Variants in CTNNA2 observed in about 807,000 individuals in gnomAD.
The protein encoded by CTNNA2 is catenin alpha-2.
Under a neutral mutation model 101.0 loss-of-function variants are expected in CTNNA2, and 42 were observed. The observed-to-expected ratio is 0.42, with a 90% confidence interval of 0.32 to 0.54. The LOEUF (loss-of-function observed/expected upper bound fraction) is 0.54, where lower values mean the gene tolerates loss of function less well. Among genes scored for constraint, CTNNA2 ranks in the 20% least tolerant of loss-of-function variants. CTNNA2 has a pLI of 0.14. For missense variants in CTNNA2, 871 were observed against 1,223.1 expected, an observed-to-expected ratio of 0.71 and a Z score of 4.29; for synonymous variants, 450 against 456.4, an observed-to-expected ratio of 0.99 and a Z score of 0.18.
intron 4 of CTNNA2, among the ~76,000 whole-genome samples, chr2:79,488,368 T>C (rs1048863069): frequency 1.3e-5 from 2 of 150,080 alleles, no homozygotes; most frequent in African/African-American, 4.9e-5. Context: ...ATGTGTGGCC[T>C]TCTGATGAGT....
At chr2:80,627,986 C>A (rs767686374) in intron 18 of CTNNA2, among the ~76,000 whole-genome samples, 3 of 152,030 alleles carry the variant, frequency 2.0e-5, no homozygotes, top group Non-Finnish European at 4.4e-5. Flanking sequence ...AACAGAGAGC[C>A]AAGTCATGAG....
intron 12 of CTNNA2, among the ~76,000 whole-genome samples, chr2:80,573,799 C>T (rs1694808309): frequency 3.3e-5 from 5 of 152,110 alleles, no homozygotes; most frequent in Admixed American, 3.3e-4. Flanking sequence ...TAAAACGTGG[C>T]CAAGGATTTA....
rs1423701457 is a variant in CTNNA2 at position 79,838,415 on chromosome 2, G to A, written c.299-19598G>A. Among the ~76,000 whole-genome samples, 5 of 152,024 alleles carry A rather than the reference G, an allele frequency of 3.3e-5. No individual in the cohort carries two copies. In the South Asian group the frequency reaches 6.2e-4, roughly 19 times the overall value. On this transcript the variant is annotated intron_variant, in intron 3 of 18. Coordinates refer to ENST00000402739, the MANE Select transcript of CTNNA2 (RefSeq NM_001282597.3). ...AAGAAGAAAGGAATGTTGTGTTTTC[G>A]AAAAATACAGAAGGGGTTTCCATGC...
intron 7 of CTNNA2, among the ~76,000 whole-genome samples, chr2:80,309,268 C>T (rs920206552): frequency 1.3e-5 from 2 of 152,172 alleles, no homozygotes; most frequent in African/African-American, 2.4e-5. Context: ...TCCATCTTTG[C>T]TTACCTTCAT....
intron 7 of CTNNA2, among the ~76,000 whole-genome samples, chr2:80,383,069 A>G (rs1676661450): frequency 6.6e-6 from 1 of 152,126 alleles, no homozygotes; most frequent in South Asian, 2.1e-4. Flanking sequence ...GTATGTGGTT[A>G]ATTAACCCCA....
intron 2 of CTNNA2, among the ~76,000 whole-genome samples, chr2:79,685,914 A>G (rs1055980602): frequency 6.6e-6 from 1 of 152,110 alleles, no homozygotes; most frequent in Non-Finnish European, 1.5e-5. Flanking sequence ...AAATACAATG[A>G]AAAGGTATGT....
intron 9 of CTNNA2, among the ~76,000 whole-genome samples, chr2:80,515,331 G>A (rs1291643190): frequency 6.6e-6 from 1 of 151,538 alleles, no homozygotes; most frequent in Admixed American, 6.6e-5. Context: ...CTTCCCATAT[G>A]AAAAAAAGAT....
chr2:80,535,327 A>T (rs1690911304), intron 9 of CTNNA2, among the ~76,000 whole-genome samples: 1 of 152,210 alleles, frequency 6.6e-6, no homozygotes, highest in Admixed American at 6.5e-5. Flanking sequence ...ATGAGTGATC[A>T]ATGATTGGAT....
intron 2 of CTNNA2, among the ~76,000 whole-genome samples, chr2:79,241,433 T>G (rs558078672): frequency 9.9e-5 from 15 of 152,212 alleles, no homozygotes; most frequent in South Asian, 8.3e-4. Flanking sequence ...CAAATTGGAG[T>G]GAATTCCTGA....
intron 7 of CTNNA2, among the ~76,000 whole-genome samples, chr2:80,328,102 C>T (rs1224681454): frequency 6.6e-6 from 1 of 152,138 alleles, no homozygotes; most frequent in Non-Finnish European, 1.5e-5. Flanking sequence ...GAGGAGAGCT[C>T]TCTGGATTCT....
intron 3 of CTNNA2, among the ~76,000 whole-genome samples, chr2:79,358,936 C>G (rs1454582277): frequency 2.6e-5 from 4 of 152,106 alleles, no homozygotes; most frequent in Admixed American, 2.6e-4. Flanking sequence ...ATTTTCACCA[C>G]AGAACATCCA....
intron 3 of CTNNA2, among the ~76,000 whole-genome samples, chr2:79,825,286 C>CT (rs1678339289): frequency 6.6e-6 from 1 of 152,202 alleles, no homozygotes; most frequent in East Asian, 1.9e-4. Context: ...CATTACAGGA[C>CT]TTTAAAGTGA....
At chr2:79,457,213 A>AAG (rs1670835546) in intron 4 of CTNNA2, among the ~76,000 whole-genome samples, 1 of 151,802 alleles carries the variant, frequency 6.6e-6, no homozygotes, top group East Asian at 1.9e-4. Context: ...AAAAAAAAAA[A>AAG]AAAGAAAAAG....
chr2:80,470,952 A>G (rs1040295569), intron 9 of CTNNA2, among the ~76,000 whole-genome samples: 14 of 152,318 alleles, frequency 9.2e-5, no homozygotes, highest in Admixed American at 1.3e-4. Flanking sequence ...GGAGGCAGCC[A>G]TGCAAGACTG....
intron 7 of CTNNA2, among the ~76,000 whole-genome samples, chr2:80,265,785 G>A (rs544088956): frequency 2.1e-4 from 32 of 152,298 alleles, no homozygotes; most frequent in African/African-American, 7.5e-4. Flanking sequence ...GATAACAACT[G>A]AGAAGAGAAG....
chr2:79,667,620 G>A (rs1682511431), intron 2 of CTNNA2, among the ~76,000 whole-genome samples: 2 of 152,172 alleles, frequency 1.3e-5, no homozygotes, highest in Non-Finnish European at 2.9e-5. Context: ...CATACAAAAG[G>A]TAAATCCTCA....
At chr2:80,142,914 A>G (rs1300750883) in intron 7 of CTNNA2, among the ~76,000 whole-genome samples, 1 of 150,284 alleles carries the variant, frequency 6.7e-6, no homozygotes, top group African/African-American at 2.5e-5. Context: ...ACTACCGTTG[A>G]CAATGCCTCA....
intron 2 of CTNNA2, among the ~76,000 whole-genome samples, chr2:79,235,529 C>T (rs945164582): frequency 3.2e-4 from 49 of 152,212 alleles, no homozygotes; most frequent in Non-Finnish European, 2.8e-4. Context: ...GTGCTCTAAT[C>T]CACAGTGCTC....
intron 4 of CTNNA2, among the ~76,000 whole-genome samples, chr2:79,478,087 T>C (rs1288095276): frequency 6.6e-6 from 1 of 152,200 alleles, no homozygotes; most frequent in African/African-American, 2.4e-5. Context: ...TTCAACTAAG[T>C]ACTACTTCAA....
Sources: gnomAD v4.1 joint callset for allele counts (sites outside exome capture counted in the v4.1 genomes callset) on GRCh38, gnomAD v4.1.1 for gene constraint, MANE v1.5 for transcripts, NCBI Gene and HGNC (gene_info 2026-07-23, HGNC 2026-07-21) for gene names.